The following DDX10 variants were observed in gnomAD, a reference collection of about 807,000 sequenced individuals.
DDX10 encodes the protein probable ATP-dependent RNA helicase DDX10.
A neutral mutation model predicts 104.3 loss-of-function variants in DDX10; 74 were observed. The observed-to-expected ratio is 0.71, with a 90% CI of 0.59 to 0.86. DDX10 has a LOEUF of 0.86. Ranked by LOEUF, DDX10 falls within the 40% of genes least tolerant of loss-of-function variation. The pLI is 0.00. For synonymous variants in DDX10, 351 were observed against 353.4 expected (o/e 0.99, Z 0.08); for missense variants, 952 against 1,040.0 (o/e 0.92, Z 1.16).
At chr11:108,882,085 G>C (rs1863234096) in intron 16 of DDX10, among the ~76,000 whole-genome samples, 1 of 152,040 alleles carries the variant, frequency 6.6e-6, no homozygotes, top group South Asian at 2.1e-4. Flanking sequence ...ATAGCATCAG[G>C]GTTGCTTTAC....
chr11:108,890,997 A>G (rs1407924923), intron 16 of DDX10, among the ~76,000 whole-genome samples: 3 of 152,046 alleles, frequency 2.0e-5, no homozygotes, highest in Non-Finnish European at 2.9e-5. Flanking sequence ...GTTCGAGACC[A>G]TTTTTGTGTG....
chr11:108,833,887 T>C (rs1862510039), intron 13 of DDX10, among the ~76,000 whole-genome samples: 1 of 152,236 alleles, frequency 6.6e-6, no homozygotes, highest in Non-Finnish European at 1.5e-5. Context: ...AAGTATACTT[T>C]TGGACACCCA....
intron 13 of DDX10, among the ~76,000 whole-genome samples, chr11:108,824,066 A>G (rs1862363262): frequency 6.6e-6 from 1 of 151,978 alleles, no homozygotes; most frequent in African/African-American, 2.4e-5. Flanking sequence ...TTTTTGAAAC[A>G]GGGTCTTGCT....
At chr11:108,684,275 C>T (rs2094240005) in intron 6 of DDX10, among the ~76,000 whole-genome samples, 1 of 147,016 alleles carries the variant, frequency 6.8e-6, no homozygotes, top group African/African-American at 2.5e-5. Flanking sequence ...ATGTGCCATG[C>T]TGGTGCGCTG....
In DDX10 at chr11:108,760,326, TG is replaced by T. The variant is rs201945625; in HGVS notation, c.1965+36866del. Among the ~76,000 whole-genome samples the T allele has an allele frequency of 8.5e-3, 1,293 of 152,122 alleles. 20 individuals are homozygous for T. The highest frequency in any genetic ancestry group is 0.029 in the African/African-American group (1,185 of 41,544). On this transcript the variant is annotated intron_variant, in intron 13 of 17. Coordinates refer to ENST00000322536, the MANE Select transcript of DDX10 (RefSeq NM_004398.4). ...GGGTTAGTGTGTATATGAGGTAGCA[TG>T]GTTATGGGTGGCCACCTGAGGACTA...
rs73001764 is a variant in DDX10, at chr11:108,672,466, G to A, written c.187-1001G>A. Among the ~76,000 whole-genome samples the A allele has an allele frequency of 5.3e-3, 813 of 152,314 alleles. 3 individuals carry two copies. The highest frequency in any genetic ancestry group is 0.012 in the Admixed American group (185 of 15,306). ...CTTCTAATGCTGGTACACTGATTCT[G>A]CCTCCTTTCCAGTGATATCTGAAAT... On this transcript the variant is annotated intron_variant, in intron 1 of 17. Transcript: ENST00000322536.
intron 16 of DDX10, among the ~76,000 whole-genome samples, chr11:108,905,036 C>A (rs1421504662): frequency 1.3e-5 from 2 of 152,144 alleles, no homozygotes; most frequent in African/African-American, 4.8e-5. Context: ...CAGCCCCGAG[C>A]AGTAGTAACT....
In DDX10 at chr11:108,798,364, A is replaced by T. The variant is rs549318079; in HGVS notation, c.1966-40082A>T. ...TATGATTCTATAGGTAAATATATTCATATTGTTGTACAACCAATCTCCAGA... is the reference window on the plus strand; with the variant it reads ...TATGATTCTATAGGTAAATATATTCTTATTGTTGTACAACCAATCTCCAGA... On this transcript the variant is annotated intron_variant, in intron 13 of 17. Transcript: ENST00000322536. 3.3e-5 allele frequency among the ~76,000 whole-genome samples: 5 copies of T among 152,334 alleles called. No individual in the cohort carries two copies. In the South Asian group the frequency reaches 8.3e-4, roughly 25 times the overall value.
At chr11:108,890,041 G>A (rs559034362) in intron 16 of DDX10, among the ~76,000 whole-genome samples, 4 of 152,184 alleles carry the variant, frequency 2.6e-5, no homozygotes, top group Admixed American at 2.0e-4. Flanking sequence ...CAGATAATAC[G>A]GAATAAACCA....
At chr11:108,772,391 G>A (rs757097739) in intron 13 of DDX10, among the ~76,000 whole-genome samples, 25 of 152,322 alleles carry the variant, frequency 1.6e-4, no homozygotes, top group Middle Eastern at 3.4e-3. Flanking sequence ...AGAGACAGAA[G>A]GGGAGAAGAC....
chr11:108,922,922 A>T (rs1863853708), intron 17 of DDX10, among the ~76,000 whole-genome samples: 1 of 152,246 alleles, frequency 6.6e-6, no homozygotes, highest in African/African-American at 2.4e-5. Flanking sequence ...TTGGGGCCAG[A>T]TGTCCAAACT....
chr11:108,873,851 A>G (rs1863114924), intron 16 of DDX10, among the ~76,000 whole-genome samples: 1 of 152,196 alleles, frequency 6.6e-6, no homozygotes, highest in Non-Finnish European at 1.5e-5. Flanking sequence ...CAGACTGTAA[A>G]TCACCAATCC....
In DDX10 at chr11:108,723,024, C is replaced by T. The variant is rs748601909; in HGVS notation, c.1527C>T (p.Arg509=). The change falls in exon 13 of 18, where the codon CGC becomes CGT. Residue 509 remains arginine, a synonymous_variant. Coordinates refer to ENST00000322536, the MANE Select transcript of DDX10 (RefSeq NM_004398.4). ...ALSLGLAVAP[R]VRFLQKMQKQ... is the part of the protein sequence containing the mutation. ...CTCTTGGTCTTGCTGTGGCACCACG[C>T]GTAAGATTTCTTCAGAAAATGCAGA... 33 of 1,610,890 alleles carry T rather than the reference C, an allele frequency of 2.0e-5. No homozygotes were observed. Among genetic ancestry groups the T allele is most frequent in the South Asian group, 9.9e-5 (9 of 90,568 alleles).
intron 10 of DDX10, among the ~76,000 whole-genome samples, chr11:108,714,341 C>G (rs1379637606): frequency 6.6e-6 from 1 of 151,862 alleles, no homozygotes; most frequent in Non-Finnish European, 1.5e-5. Flanking sequence ...AAGCTGTGAT[C>G]CCTGTACTCA....
rs1157537038 is a variant in DDX10, at chr11:108,892,906, T to C, written c.2305-24967T>C. 2.6e-5 allele frequency among the ~76,000 whole-genome samples: 4 copies of C among 152,174 alleles called. No individual in the cohort carries two copies. The East Asian group carries it at 7.7e-4, about 29-fold the overall frequency. On this transcript the variant is annotated intron_variant, in intron 16 of 17. Transcript: ENST00000322536. The stretch of plus-strand genomic sequence containing the variant: ...ATTCTCACCTATCCTTCACTGTTGC[T>C]CTACTAAACAACCCCTGTTCCTTCC...
intron 13 of DDX10, among the ~76,000 whole-genome samples, chr11:108,730,740 A>T (rs140536969): frequency 7.2e-5 from 11 of 152,242 alleles, no homozygotes; most frequent in African/African-American, 2.6e-4. Flanking sequence ...TTTAATTTGG[A>T]TAGTAAGTGG....
rs754002954 is a variant in DDX10, at chr11:108,689,487, CTTACTTTGAGGCTAAG to C, written c.975+428_975+443del. Among the ~76,000 whole-genome samples, 82 of 152,260 alleles carry C rather than the reference CTTACTTTGAGGCTAAG, an allele frequency of 5.4e-4. No individual in the cohort carries two copies. The Middle Eastern group carries it at 0.01, about 19-fold the overall frequency. ...CTCTTCATCTAAATCTGGGGAAATA[CTTACTTTGAGGCTAAG>C]TTCAAATGTTATGCCTGAAAGTCCC... On this transcript the variant is annotated intron_variant, in intron 7 of 17. Transcript: ENST00000322536.
At chr11:108,826,031 TA>T (rs35766511) in intron 13 of DDX10, among the ~76,000 whole-genome samples, 20,993 of 152,250 alleles carry the variant, frequency 0.14, 1,581 homozygotes, top group East Asian at 0.25. Context: ...ATTAATTTCA[TA>T]ATAGCTGTGA....
chr11:108,830,663 A>G (rs912894920), intron 13 of DDX10, among the ~76,000 whole-genome samples: 1 of 152,122 alleles, frequency 6.6e-6, no homozygotes, highest in African/African-American at 2.4e-5. Flanking sequence ...TTCTATGTTT[A>G]GTATAATGTT....
Sources: gnomAD v4.1 joint callset for allele counts (sites outside exome capture counted in the v4.1 genomes callset) on GRCh38, gnomAD v4.1.1 for gene constraint, MANE v1.5 for transcripts, NCBI Gene and HGNC (gene_info 2026-07-23, HGNC 2026-07-21) for gene names.